CRISPLD2: variants seen among roughly 807,000 people sequenced by gnomAD.
CRISPLD2 encodes the protein cysteine-rich secretory protein LCCL domain-containing 2.
A neutral mutation model predicts 71.1 loss-of-function variants in CRISPLD2; 47 were observed. The observed-to-expected ratio is 0.66, with a 90% CI of 0.52 to 0.84. CRISPLD2 has a LOEUF of 0.84. Ranked by LOEUF, CRISPLD2 falls within the 40% of genes least tolerant of loss-of-function variation. The pLI, the probability that CRISPLD2 is intolerant of heterozygous loss-of-function variation, is 0.00. For synonymous variants in CRISPLD2, 317 were observed against 250.1 expected (o/e 1.27, Z -2.52); for missense variants, 830 against 651.1 (o/e 1.27, Z -2.99).
chr16:84,906,702 T>C lies in CRISPLD2; in HGVS notation c.*60T>C. On this transcript the variant is annotated 3_prime_UTR_variant, in exon 15 of 15. Coordinates refer to ENST00000262424, the MANE Select transcript of CRISPLD2 (RefSeq NM_031476.4). ...GAGGGCTTCGGGGTTTTGCTTTTAT[T>C]TTTATTTTGTCATTGCGGGGTATAT... is the stretch of plus-strand genomic sequence containing the variant. 6.3e-7 allele frequency: 1 copy of C among 1,588,068 alleles called. No homozygotes were observed. Among genetic ancestry groups the C allele is most frequent in the Non-Finnish European group, 8.6e-7 (1 of 1,156,406 alleles).
At chr16:84,864,127 T>C (rs1874622) in intron 6 of CRISPLD2, among the ~76,000 whole-genome samples, 13,405 of 152,052 alleles carry the variant, frequency 0.088, 741 homozygotes, top group Admixed American at 0.17. Flanking sequence ...CAGAGTGACA[T>C]AAACAATGCC....
chr16:84,873,337 G>T, intron 10 of CRISPLD2: 2 of 388,132 alleles, frequency 5.2e-6, no homozygotes, highest in Non-Finnish European at 9.1e-6. Flanking sequence ...AGTTAGCCAG[G>T]CGTGGTGGCA....
chr16:84,864,644 C>T (rs991318452), intron 6 of CRISPLD2, among the ~76,000 whole-genome samples: 2 of 152,196 alleles, frequency 1.3e-5, no homozygotes, highest in African/African-American at 2.4e-5. Flanking sequence ...GACATATGCT[C>T]TTTTCTTTAG....
At chr16:84,875,369 C>CA in intron 11 of CRISPLD2, among the ~76,000 whole-genome samples, 1 of 149,876 alleles carries the variant, frequency 6.7e-6, no homozygotes, top group Admixed American at 6.7e-5. Context: ...TGAATGTGCC[C>CA]AACACAAATT....
chr16:84,899,824 A>T (rs779390881), intron 14 of CRISPLD2, among the ~76,000 whole-genome samples: 46 of 152,112 alleles, frequency 3.0e-4, no homozygotes, highest in Middle Eastern at 3.4e-3. Context: ...AGAACATGAG[A>T]ACCCACTGCA....
intron 6 of CRISPLD2, among the ~76,000 whole-genome samples, chr16:84,860,225 AC>A (rs1303723184): frequency 6.6e-6 from 1 of 152,226 alleles, no homozygotes; most frequent in Non-Finnish European, 1.5e-5. Context: ...CTGAGCTGCA[AC>A]ATTAAATTAA....
rs148645034 is a variant in CRISPLD2, at chr16:84,905,182, G to A, written c.1440-1406G>A. ...CTCAGGAGGCTGAGGAGGGAGGATC[G>A]CTTGCACTCAGGAGGTCAAGGCTGA... On this transcript the variant is annotated intron_variant, in intron 14 of 14. Coordinates refer to ENST00000262424, the MANE Select transcript of CRISPLD2 (RefSeq NM_031476.4). Among the ~76,000 whole-genome samples the A allele has an allele frequency of 6.1e-3, 929 of 152,168 alleles. 5 individuals are homozygous for A. The highest frequency in any genetic ancestry group is 0.024 in the Middle Eastern group (7 of 294).
At chr16:84,881,630 A>G (rs1352045610) in intron 13 of CRISPLD2, among the ~76,000 whole-genome samples, 2 of 92,390 alleles carry the variant, frequency 2.2e-5, no homozygotes, top group East Asian at 7.5e-4. Context: ...ATCTCTAGCT[A>G]ATGTTTTTTA....
Position 84,861,425 on chromosome 16 carries a change from C to T in CRISPLD2, c.710-5472C>T, listed in dbSNP as rs961540875. 3.3e-5 allele frequency among the ~76,000 whole-genome samples: 5 copies of T among 152,108 alleles called. No individual in the cohort carries two copies. The East Asian group carries it at 9.6e-4, about 29-fold the overall frequency. On this transcript the variant is annotated intron_variant, in intron 6 of 14. Transcript: ENST00000262424. ...AAGCCGAGGAGCAAGGAAGCCAGTC[C>T]GAGTCCCAAAGCTAAAGAACTTGAA...
At chr16:84,844,054 G>A (rs531854507) in intron 2 of CRISPLD2, among the ~76,000 whole-genome samples, 5 of 152,370 alleles carry the variant, frequency 3.3e-5, no homozygotes, top group Middle Eastern at 3.4e-3. Flanking sequence ...GCCAGCCTCT[G>A]CCTGCTTAAA....
At chr16:84,876,110 C>T (rs888972829) in intron 11 of CRISPLD2, among the ~76,000 whole-genome samples, 1 of 152,220 alleles carries the variant, frequency 6.6e-6, no homozygotes, top group African/African-American at 2.4e-5. Context: ...TCCACATCAT[C>T]TATAGCTCCT....
rs549194360 is a variant in CRISPLD2, at chr16:84,907,224, C to T, written c.*582C>T. On this transcript the variant is annotated 3_prime_UTR_variant, in exon 15 of 15. Coordinates refer to ENST00000262424, the MANE Select transcript of CRISPLD2 (RefSeq NM_031476.4). ...AGAGGGCTGCGGGTATGAGAGACCC[C>T]GGCTCCGCCCTGGCACGTGTCCTTG... is the stretch of plus-strand genomic sequence containing the variant. The T allele has an allele frequency of 5.6e-5, 9 of 162,026 alleles. No individual in the cohort carries two copies. Among genetic ancestry groups the T allele is most frequent in the Non-Finnish European group, 1.1e-4 (8 of 74,580 alleles). 10.0% of individuals were successfully genotyped at this position (162,026 alleles called of 1,614,324 possible).
At chr16:84,837,507 C>T (rs1916651449) in intron 1 of CRISPLD2, among the ~76,000 whole-genome samples, 1 of 151,934 alleles carries the variant, frequency 6.6e-6, no homozygotes, top group Non-Finnish European at 1.5e-5. Flanking sequence ...AGCTCCGCCT[C>T]CCGGGTTCAC....
chr16:84,847,415 G>A (rs1916943673), intron 3 of CRISPLD2, among the ~76,000 whole-genome samples: 1 of 152,190 alleles, frequency 6.6e-6, no homozygotes, highest in Admixed American at 6.5e-5. Context: ...ACTTTGGGAG[G>A]CCAAGGTGGG....
intron 14 of CRISPLD2, among the ~76,000 whole-genome samples, chr16:84,901,126 C>T (rs1022083473): frequency 6.6e-6 from 1 of 151,488 alleles, no homozygotes; most frequent in Non-Finnish European, 1.5e-5. Context: ...CAATGGAATA[C>T]TATGCAGTGG....
intron 1 of CRISPLD2, among the ~76,000 whole-genome samples, chr16:84,820,439 A>C (rs541100130): frequency 4.3e-4 from 65 of 152,304 alleles, no homozygotes; most frequent in Non-Finnish European, 6.8e-4. Flanking sequence ...TTCCTCGTGC[A>C]GTTCACTAGC....
intron 11 of CRISPLD2, 37 bp downstream of exon 11, chr16:84,874,000 G>A: frequency 6.4e-7 from 1 of 1,552,138 alleles, no homozygotes; most frequent in Non-Finnish European, 8.7e-7. Flanking sequence ...CATAATACCT[G>A]GGTTATCTCA....
intron 14 of CRISPLD2, among the ~76,000 whole-genome samples, chr16:84,901,013 G>GCA (rs3222775): frequency 0.085 from 11,865 of 140,028 alleles, 561 homozygotes; most frequent in Non-Finnish European, 0.1. Flanking sequence ...TGGTGTCACT[G>GCA]CACACACACA....
At chr16:84,898,057 A>G (rs568646799) in intron 14 of CRISPLD2, among the ~76,000 whole-genome samples, 7 of 152,358 alleles carry the variant, frequency 4.6e-5, no homozygotes, top group African/African-American at 1.7e-4. Context: ...AGAGACCATC[A>G]TCCGTTTATC....
Sources: allele counts gnomAD v4.1 joint callset (sites outside exome capture counted in the v4.1 genomes callset), GRCh38; gene constraint gnomAD v4.1.1; transcripts MANE v1.5; gene names NCBI Gene and HGNC (gene_info 2026-07-23, HGNC 2026-07-21).